The following BCAS3 variants were observed in gnomAD, a reference collection of about 807,000 sequenced individuals.
BCAS3 encodes the protein BCAS3 microtubule associated cell migration factor, also known as BCAS4/BCAS3 fusion.
A neutral mutation model predicts 116.1 loss-of-function variants in BCAS3; 53 were observed. The ratio of observed to expected loss-of-function variants is 0.46; its 90% CI spans 0.37 to 0.57. The LOEUF (loss-of-function observed/expected upper bound fraction) is 0.57. BCAS3 is among the 20% of genes least tolerant of loss of function. The pLI is 0.00. For synonymous variants in BCAS3, 391 were observed against 408.2 expected (o/e 0.96, Z 0.51); for missense variants, 917 against 1,165.4 (o/e 0.79, Z 3.10).
chr17:60,795,314 C>T (rs1269358781), intron 6 of BCAS3, among the ~76,000 whole-genome samples: 1 of 152,146 alleles, frequency 6.6e-6, no homozygotes, highest in Non-Finnish European at 1.5e-5. Flanking sequence ...TAGGAGCTTT[C>T]TGTAGGAGTC....
chr17:61,080,212 TTTAAA>T (rs1334165636), intron 21 of BCAS3, among the ~76,000 whole-genome samples: 3 of 152,062 alleles, frequency 2.0e-5, no homozygotes, highest in Non-Finnish European at 4.4e-5. Flanking sequence ...GCCTCATCTC[TTTAAA>T]TTACTCCACA....
At chr17:60,901,817 A>C (rs1263042816) in intron 10 of BCAS3, among the ~76,000 whole-genome samples, 1 of 152,240 alleles carries the variant, frequency 6.6e-6, no homozygotes, top group Non-Finnish European at 1.5e-5. Context: ...TAAAAAACTC[A>C]TAATGTGGTG....
chr17:60,896,157 C>A (rs1054121258), intron 10 of BCAS3, among the ~76,000 whole-genome samples: 2 of 152,124 alleles, frequency 1.3e-5, no homozygotes, highest in Non-Finnish European at 2.9e-5. Context: ...AAAATGCTGT[C>A]TCTACTAAAA....
intron 22 of BCAS3, among the ~76,000 whole-genome samples, chr17:61,271,140 T>C (rs1181028737): frequency 6.9e-6 from 1 of 145,124 alleles, no homozygotes; most frequent in Non-Finnish European, 1.5e-5. Context: ...TTTTTTTTTT[T>C]TTTTTGAAAT....
chr17:60,800,967 T>C (rs997475285), intron 6 of BCAS3, among the ~76,000 whole-genome samples: 1 of 152,144 alleles, frequency 6.6e-6, no homozygotes, highest in African/African-American at 2.4e-5. Context: ...TTTACTATAG[T>C]TATATAACTC....
Position 61,097,869 on chromosome 17 carries a change from A to T in BCAS3, c.2425+13305A>T, listed in dbSNP as rs2074079542. 6.6e-6 allele frequency among the ~76,000 whole-genome samples: 1 copy of T among 152,222 alleles called. No homozygotes were observed. Among genetic ancestry groups the T allele is most frequent in the Non-Finnish European group, 1.5e-5 (1 of 68,026 alleles). ...GTCTAAACCTCTTTCTACCCTGCCT[A>T]ATCAAATATTCATTTCAAAACACTG... On this transcript the variant is annotated intron_variant, in intron 22 of 23. Coordinates refer to ENST00000407086, the MANE Select transcript of BCAS3 (RefSeq NM_017679.5). This position sits in a 1 kb window ranked among gnomAD's most constrained non-coding sequence, Gnocchi z 4.0.
At position 61,364,335 on chromosome 17, in the gene BCAS3, TG is replaced by T. The variant is rs111350699; in HGVS notation, c.2426-3989del. On this transcript the variant is annotated intron_variant, in intron 22 of 23. Coordinates refer to ENST00000407086, the MANE Select transcript of BCAS3 (RefSeq NM_017679.5). The surrounding 1 kb of genome is among the most constrained non-coding windows in gnomAD (Gnocchi z 5.4). ...CAAACTCCAAGCAACTCGGGCTGGT[TG>T]GGAGTGGGAAGGGTTTTTAAATGTC... Among the ~76,000 whole-genome samples, 4 of 152,268 alleles carry T rather than the reference TG, an allele frequency of 2.6e-5. No individual in the cohort carries two copies. Among genetic ancestry groups the T allele is most frequent in the African/African-American group, 9.6e-5 (4 of 41,558 alleles).
chr17:60,997,243 G>T (rs994550594), intron 15 of BCAS3, among the ~76,000 whole-genome samples: 1 of 152,182 alleles, frequency 6.6e-6, no homozygotes, highest in Non-Finnish European at 1.5e-5. Context: ...GCCTGGTTTC[G>T]TACAGGCCAC....
rs367889532 is a variant in BCAS3, at chr17:60,902,547, T to C, written c.739-73T>C. ...ATCACTGTTCACGGAAAATAAGCTC[T>C]ATCCTGATAGCCTGTAGAGTTAAAC... On this transcript the variant is annotated intron_variant, in intron 10 of 23. Coordinates refer to ENST00000407086, the MANE Select transcript of BCAS3 (RefSeq NM_017679.5). 1.7e-4 allele frequency: 212 copies of C among 1,250,402 alleles called. No homozygotes were observed. The African/African-American group carries it at 2.9e-3, about 17-fold the overall frequency. 77.5% of individuals were successfully genotyped at this position (1,250,402 alleles called of 1,614,324 possible).
At chr17:61,120,526 A>G (rs1370858829) in intron 22 of BCAS3, among the ~76,000 whole-genome samples, 1 of 152,112 alleles carries the variant, frequency 6.6e-6, no homozygotes, top group Non-Finnish European at 1.5e-5. Flanking sequence ...GAAACATTTC[A>G]AATATATGCA....
In BCAS3 at chr17:61,200,558, G is replaced by A. The variant is rs369990196; in HGVS notation, c.2425+115994G>A. 4.6e-5 allele frequency among the ~76,000 whole-genome samples: 7 copies of A among 152,178 alleles called. No homozygotes were observed. Among genetic ancestry groups the A allele is most frequent in the African/African-American group, 1.4e-4 (6 of 41,438 alleles). On this transcript the variant is annotated intron_variant, in intron 22 of 23. Coordinates refer to ENST00000407086, the MANE Select transcript of BCAS3 (RefSeq NM_017679.5). The surrounding 1 kb of genome is among the most constrained non-coding windows in gnomAD (Gnocchi z 5.1). ...AATGTTAGCCTCCTGGATCCTGATC[G>A]TTCAGCCTCCGAAACATTCCTACTG...
chr17:61,371,649 T>A (rs780431486), intron 23 of BCAS3, among the ~76,000 whole-genome samples: 3 of 152,226 alleles, frequency 2.0e-5, no homozygotes, highest in Non-Finnish European at 4.4e-5. Flanking sequence ...ATTCCAAATG[T>A]ATACATATTT....
chr17:60,932,071 T>A (rs1041727482), intron 13 of BCAS3, among the ~76,000 whole-genome samples: 2 of 150,974 alleles, frequency 1.3e-5, no homozygotes. Flanking sequence ...AGACCCTGTC[T>A]AAAAAAAAAT....
chr17:61,257,252 T>C (rs2048853032), intron 22 of BCAS3, among the ~76,000 whole-genome samples: 1 of 151,988 alleles, frequency 6.6e-6, no homozygotes, highest in South Asian at 2.1e-4. Flanking sequence ...AAACCCCATC[T>C]CTACTAATAA....
rs536329592 is a variant in BCAS3 at position 61,180,946 on chromosome 17, G to A, written c.2425+96382G>A. Among the ~76,000 whole-genome samples, 21 of 152,208 alleles carry A rather than the reference G, an allele frequency of 1.4e-4. No homozygotes were observed. The South Asian group carries it at 3.1e-3, about 23-fold the overall frequency. On this transcript the variant is annotated intron_variant, in intron 22 of 23. Coordinates refer to ENST00000407086, the MANE Select transcript of BCAS3 (RefSeq NM_017679.5). This position sits in a 1 kb window ranked among gnomAD's most constrained non-coding sequence, Gnocchi z 6.0. Reference sequence around the variant, plus strand: ...TTAAAAAGGATCTAAGGTCAGGCACGATGGCTCACACCTGTAATCTTAGCA... The same window carrying A: ...TTAAAAAGGATCTAAGGTCAGGCACAATGGCTCACACCTGTAATCTTAGCA...
chr17:61,029,469 C>T lies in BCAS3; in HGVS notation c.1638-5197C>T, dbSNP rs1439254174. Reference sequence around the variant, plus strand: ...GTTTGGATGACTATATAAAATAATACAAAAGAATTACACATATAACATACT... The same window carrying T: ...GTTTGGATGACTATATAAAATAATATAAAAGAATTACACATATAACATACT... On this transcript the variant is annotated intron_variant, in intron 16 of 23. Coordinates refer to ENST00000407086, the MANE Select transcript of BCAS3 (RefSeq NM_017679.5). The surrounding 1 kb of genome is among the most constrained non-coding windows in gnomAD (Gnocchi z 5.2). Among the ~76,000 whole-genome samples, 2 of 151,842 alleles carry T rather than the reference C, an allele frequency of 1.3e-5. No homozygotes were observed. The highest frequency in any genetic ancestry group is 4.8e-5 in the African/African-American group (2 of 41,380).
At chr17:60,880,873 T>G (rs2056063984) in intron 9 of BCAS3, among the ~76,000 whole-genome samples, 1 of 152,250 alleles carries the variant, frequency 6.6e-6, no homozygotes, top group Non-Finnish European at 1.5e-5. Context: ...TATTTTATAT[T>G]CTAGATATGT....
intron 10 of BCAS3, among the ~76,000 whole-genome samples, chr17:60,892,254 C>G (rs2057205048): frequency 6.6e-6 from 1 of 151,690 alleles, no homozygotes; most frequent in South Asian, 2.1e-4. Flanking sequence ...TTCCCACCAA[C>G]AGTGTATAAG....
intron 22 of BCAS3, among the ~76,000 whole-genome samples, chr17:61,177,945 A>G (rs530600904): frequency 1.3e-5 from 2 of 152,012 alleles, no homozygotes; most frequent in South Asian, 4.1e-4. Flanking sequence ...TGTACATTAC[A>G]TAAGACTATA....
Sources: allele counts gnomAD v4.1 joint callset (sites outside exome capture counted in the v4.1 genomes callset), GRCh38; gene constraint gnomAD v4.1.1; non-coding constraint Gnocchi (gnomAD v3.1); transcripts MANE v1.5; gene names NCBI Gene and HGNC (gene_info 2026-07-23, HGNC 2026-07-21).